ACSBG1: variants seen among roughly 807,000 people sequenced by gnomAD.
ACSBG1 encodes acyl-CoA synthetase bubblegum family member 1, also known as long-chain-fatty-acid--CoA ligase ACSBG1.
A neutral mutation model predicts 80.2 loss-of-function variants in ACSBG1; 39 were observed. The ratio of observed to expected loss-of-function variants is 0.49; its 90% CI spans 0.38 to 0.64. The LOEUF is 0.64. Ranked by LOEUF, ACSBG1 falls within the 30% of genes least tolerant of loss-of-function variation. The pLI, the probability that ACSBG1 is intolerant of heterozygous loss-of-function variation, is 0.00. For synonymous variants in ACSBG1, 392 were observed against 379.5 expected (o/e 1.03, Z -0.38); for missense variants, 828 against 966.4 (o/e 0.86, Z 1.90).
rs2074761927 is a variant in ACSBG1, at chr15:78,167,638, C to G, written c.*3806G>C. The stretch of plus-strand genomic sequence containing the variant: ...CCAGTTTCATTTTCTCAAACTGAGA[C>G]TCTGCACCCGTTAAACAGTAACTTT... On this transcript the variant is annotated 3_prime_UTR_variant, in exon 14 of 14. Transcript: ENST00000258873. 6.6e-6 allele frequency: 1 copy of G among 152,218 alleles called. No individual in the cohort carries two copies. Among genetic ancestry groups the G allele is most frequent in the Non-Finnish European group, 1.5e-5 (1 of 68,046 alleles). 9.4% of individuals were successfully genotyped at this position (152,218 alleles called of 1,614,324 possible).
rs2141323096 is a variant in ACSBG1, at chr15:78,177,407, T to C, written c.1702+1207A>G. 1.3e-5 allele frequency among the ~76,000 whole-genome samples: 2 copies of C among 152,324 alleles called. 1 individual carries two copies. Among genetic ancestry groups the C allele is most frequent in the South Asian group, 4.2e-4 (2 of 4,818 alleles). ...GAAAGGATGCTGTGTCCGTTGGATATGTATTTGGAGAAAAGCTATTTGGAC... is the reference window on the plus strand; with the variant it reads ...GAAAGGATGCTGTGTCCGTTGGATACGTATTTGGAGAAAAGCTATTTGGAC... On this transcript the variant is annotated intron_variant, in intron 11 of 13. Coordinates refer to ENST00000258873, the MANE Select transcript of ACSBG1 (RefSeq NM_015162.5). The surrounding 1 kb of genome is among the most constrained non-coding windows in gnomAD (Gnocchi z 4.1).
rs548841663 is a variant in ACSBG1, at chr15:78,173,658, C to T, written c.2024G>A (p.Arg675Gln). Residue 675 changes from arginine to glutamine, a missense_variant, in exon 13 of 14, where the codon CGG becomes CAG. Arg to Gln is a conservative substitution (Grantham distance 43). Around this residue, in one of 3 missense-constraint regions of ACSBG1, gnomAD observed 201 missense variants for 227.0 expected, o/e 0.89. Transcript: ENST00000258873. ...GGCCCACTTCTGGATGTGGTAGGGCCGGGCCGCCGCGTTCATGTTGACCCT... is the reference window on the plus strand; with the variant it reads ...GGCCCACTTCTGGATGTGGTAGGGCTGGGCCGCCGCGTTCATGTTGACCCT... ...IRRVNMNAAA[R>Q]PYHIQKWAIL... The T allele has an allele frequency of 9.9e-6, 16 of 1,614,222 alleles. No homozygotes were observed. The highest frequency in any genetic ancestry group is 8.8e-5 in the South Asian group (8 of 91,078).
Position 78,217,427 on chromosome 15 carries a change from T to TAC in ACSBG1, c.132-9327_132-9326dup, listed in dbSNP as rs2075321285. On this transcript the variant is annotated intron_variant, in intron 1 of 13. Coordinates refer to ENST00000258873, the MANE Select transcript of ACSBG1 (RefSeq NM_015162.5). ...GTTTATGCTCCTAACAAGCCAGCCATACCGAATAGTCTCAGGCCTGTTGGG... is the reference window on the plus strand; with the variant it reads ...GTTTATGCTCCTAACAAGCCAGCCATACACCGAATAGTCTCAGGCCTGTTGGG... Among the ~76,000 whole-genome samples, 4 of 152,242 alleles carry TAC rather than the reference T, an allele frequency of 2.6e-5. No homozygotes were observed. In the South Asian group the frequency reaches 8.3e-4, roughly 32 times the overall value.
intron 1 of ACSBG1, among the ~76,000 whole-genome samples, chr15:78,215,747 A>AAAGAAAGAAAGAAAGAAAGG (rs2075304758): frequency 7.7e-6 from 1 of 130,602 alleles, no homozygotes. Context: ...AGAAAGAAAG[A>AAAGAAAGAAAGAAAGAAAGG]AAGAAAGAAA....
intron 5 of ACSBG1, among the ~76,000 whole-genome samples, chr15:78,185,141 C>A (rs986372668): frequency 6.6e-6 from 1 of 151,892 alleles, no homozygotes; most frequent in Non-Finnish European, 1.5e-5. Flanking sequence ...CTCAGGAAAG[C>A]TGAGGCGGCT....
rs1567074686 is a variant in ACSBG1 at position 78,169,213 on chromosome 15, T to C, written c.*2231A>G. On this transcript the variant is annotated 3_prime_UTR_variant, in exon 14 of 14. Coordinates refer to ENST00000258873, the MANE Select transcript of ACSBG1 (RefSeq NM_015162.5). ...AAGAACTTTTTCCAAGTGCTTGTTT[T>C]ATTTATTAAGTGTCTACCTGGTAAA... The C allele has an allele frequency of 7.9e-6, 3 of 382,156 alleles. No individual in the cohort carries two copies. Among genetic ancestry groups the C allele is most frequent in the Non-Finnish European group, 4.7e-6 (1 of 213,212 alleles). 23.7% of individuals were successfully genotyped at this position (382,156 alleles called of 1,614,324 possible).
At chr15:78,211,015 T>G (rs1232380531) in intron 1 of ACSBG1, among the ~76,000 whole-genome samples, 1 of 152,262 alleles carries the variant, frequency 6.6e-6, no homozygotes, top group East Asian at 1.9e-4. Context: ...CATTGCCATT[T>G]CTTTTTGTAG....
At chr15:78,194,153 C>A in intron 3 of ACSBG1, 133 bp from the exon 4 acceptor site, 1 of 852,432 alleles carries the variant, frequency 1.2e-6, no homozygotes, top group Non-Finnish European at 1.9e-6. Flanking sequence ...GTCAGAGAAT[C>A]CCCTTGGAGG....
chr15:78,199,788 C>A (rs1023861672), intron 2 of ACSBG1, among the ~76,000 whole-genome samples: 5 of 152,060 alleles, frequency 3.3e-5, no homozygotes, highest in Admixed American at 2.0e-4. Context: ...TGAGCCACTG[C>A]GTCCAGCCAA....
At chr15:78,198,817 G>C (rs931827592) in intron 2 of ACSBG1, among the ~76,000 whole-genome samples, 7 of 152,236 alleles carry the variant, frequency 4.6e-5, no homozygotes, top group Admixed American at 3.3e-4. Flanking sequence ...TAAGGTGGCA[G>C]GGGAGAGAGA....
chr15:78,194,807 T>C, intron 2 of ACSBG1, 81 bp from the exon 3 acceptor site: 1 of 1,425,196 alleles, frequency 7.0e-7, no homozygotes, highest in Admixed American at 1.8e-5. Flanking sequence ...TCGCAGCCCG[T>C]CTGGTGCTGA....
At chr15:78,216,302 G>A (rs1457420608) in intron 1 of ACSBG1, among the ~76,000 whole-genome samples, 1 of 152,168 alleles carries the variant, frequency 6.6e-6, no homozygotes, top group Non-Finnish European at 1.5e-5. Flanking sequence ...TGATGGGATC[G>A]ATGAACAAAG....
chr15:78,212,386 G>T (rs1282700448), intron 1 of ACSBG1, among the ~76,000 whole-genome samples: 1 of 152,150 alleles, frequency 6.6e-6, no homozygotes, highest in Non-Finnish European at 1.5e-5. Flanking sequence ...ATCTTTGGGG[G>T]CTCAAGAAGA....
At chr15:78,173,148 C>T (rs1330207772) in intron 13 of ACSBG1, among the ~76,000 whole-genome samples, 1 of 151,998 alleles carries the variant, frequency 6.6e-6, no homozygotes, top group Non-Finnish European at 1.5e-5. Context: ...GAGTTCGAGA[C>T]CAGCCTGACC....
At chr15:78,211,847 T>C (rs1172387980) in intron 1 of ACSBG1, among the ~76,000 whole-genome samples, 1 of 152,096 alleles carries the variant, frequency 6.6e-6, no homozygotes, top group Non-Finnish European at 1.5e-5. Flanking sequence ...CCCAACACCC[T>C]CTCACCCCTG....
intron 1 of ACSBG1, among the ~76,000 whole-genome samples, chr15:78,217,568 T>A (rs755609787): frequency 0.096 from 4,675 of 48,858 alleles, 118 homozygotes; most frequent in Middle Eastern, 0.24. Flanking sequence ...TTGGAAAAAT[T>A]TTTTTTTTTT....
chr15:78,189,685 G>C (rs187059482), intron 5 of ACSBG1, among the ~76,000 whole-genome samples: 2,397 of 151,596 alleles, frequency 0.016, 29 homozygotes, highest in Non-Finnish European at 0.027. Flanking sequence ...GGTGGGGTGA[G>C]GGGGGAGGGA....
intron 1 of ACSBG1, among the ~76,000 whole-genome samples, chr15:78,230,103 G>T (rs2075434051): frequency 1.3e-5 from 2 of 152,204 alleles, no homozygotes; most frequent in Non-Finnish European, 2.9e-5. Flanking sequence ...ACTGGACAGA[G>T]GGCTTCCCAG....
At chr15:78,232,928 G>A (rs2075459639) in intron 1 of ACSBG1, among the ~76,000 whole-genome samples, 1 of 152,238 alleles carries the variant, frequency 6.6e-6, no homozygotes, top group African/African-American at 2.4e-5. Context: ...TGATCCACCC[G>A]ACTCAGCCTC....
Sources: allele counts gnomAD v4.1 joint callset (sites outside exome capture counted in the v4.1 genomes callset), GRCh38; gene constraint gnomAD v4.1.1; regional missense constraint gnomAD v4.1.1; non-coding constraint Gnocchi (gnomAD v3.1); transcripts MANE v1.5; gene names NCBI Gene and HGNC (gene_info 2026-07-23, HGNC 2026-07-21).